Variants in SEL1L3 observed in about 807,000 individuals in gnomAD.
SEL1L3 encodes SEL1L family member 3.
Under a neutral mutation model 142.8 loss-of-function variants are expected in SEL1L3, and 76 were observed. That is an observed-to-expected ratio of 0.53 (90% CI 0.44 to 0.64). The LOEUF is 0.64. SEL1L3 is among the 30% of genes least tolerant of loss of function. The pLI is 0.00. For missense variants in SEL1L3, 1,262 were observed against 1,381.7 expected (o/e 0.91, Z 1.37); for synonymous variants, 504 against 519.6 (o/e 0.97, Z 0.41).
chr4:25,817,061 T>C (rs1714435591), intron 9 of SEL1L3, among the ~76,000 whole-genome samples: 1 of 152,250 alleles, frequency 6.6e-6, no homozygotes, highest in African/African-American at 2.4e-5. Flanking sequence ...GACAGAAGCA[T>C]TGTGTTACTT....
intron 9 of SEL1L3, among the ~76,000 whole-genome samples, chr4:25,810,030 T>C (rs1457731650): frequency 1.3e-5 from 2 of 152,192 alleles, no homozygotes; most frequent in East Asian, 3.9e-4. Context: ...CTCCGGAGCC[T>C]GGGGGCAAGA....
chr4:25,794,495 GTAGA>G (rs1315938213), intron 11 of SEL1L3, among the ~76,000 whole-genome samples: 1 of 152,064 alleles, frequency 6.6e-6, no homozygotes, highest in Admixed American at 6.6e-5. Flanking sequence ...CTCATGCCAG[GTAGA>G]TAGTGGTGAG....
chr4:25,772,032 C>G (rs1400639557), intron 17 of SEL1L3, among the ~76,000 whole-genome samples: 1 of 151,852 alleles, frequency 6.6e-6, no homozygotes, highest in East Asian at 1.9e-4. Flanking sequence ...TTCACTCACA[C>G]AAAAATGAAA....
the SEL1L3 span, among the ~76,000 whole-genome samples, chr4:25,734,478 A>G: frequency 6.6e-6 from 1 of 152,360 alleles, no homozygotes; most frequent in Middle Eastern, 3.4e-3. Context: ...AATGTTAAAC[A>G]ACCTTTATTC....
chr4:25,839,044 G>A (rs1716008272), intron 2 of SEL1L3, among the ~76,000 whole-genome samples: 1 of 152,200 alleles, frequency 6.6e-6, no homozygotes, highest in Non-Finnish European at 1.5e-5. Context: ...ATGACTACAA[G>A]TCTGTAAGCA....
rs1338510753 is a variant in SEL1L3 at position 25,779,013 on chromosome 4, C to T, written c.2585+63G>A. On this transcript the variant is annotated intron_variant, in intron 16 of 23. Coordinates refer to ENST00000399878, the MANE Select transcript of SEL1L3 (RefSeq NM_015187.5). ...AATAAAGAACTCAACTTAAAAAATG[C>T]TCAGGCACAGAGAATATAGGATATG... 5.5e-6 allele frequency: 8 copies of T among 1,455,696 alleles called. No homozygotes were observed. In the Admixed American group the frequency reaches 8.3e-5, roughly 15 times the overall value. 90.2% of individuals were successfully genotyped at this position (1,455,696 alleles called of 1,614,324 possible).
chr4:25,833,667 T>C (rs1028664987), intron 3 of SEL1L3, 98 bp from the exon 4 acceptor site: 8 of 1,101,386 alleles, frequency 7.3e-6, no homozygotes, highest in Non-Finnish European at 1.0e-5. Context: ...TTCTTTCCAA[T>C]GAATGGATGA....
intron 23 of SEL1L3, among the ~76,000 whole-genome samples, chr4:25,750,317 T>C (rs1026686898): frequency 5.9e-5 from 9 of 151,994 alleles, no homozygotes; most frequent in African/African-American, 2.2e-4. Context: ...GTGGAGTAGT[T>C]GTGACCAAGA....
upstream of SEL1L3, chr4:25,863,323 C>T: frequency 2.0e-6 from 1 of 506,880 alleles, no homozygotes. Flanking sequence ...TCTTCCTTCT[C>T]CCCTCGCGCT....
chr4:25,749,418 G>A (rs1436775150), intron 23 of SEL1L3, among the ~76,000 whole-genome samples: 1 of 151,954 alleles, frequency 6.6e-6, no homozygotes, highest in Admixed American at 6.6e-5. Context: ...TGCATAATTA[G>A]CATTGCCACC....
At chr4:25,741,162 T>G in the SEL1L3 span, among the ~76,000 whole-genome samples, 2 of 151,452 alleles carry the variant, frequency 1.3e-5, no homozygotes, top group African/African-American at 4.9e-5. Flanking sequence ...TGGAGTGCAG[T>G]GGTGCGATCT....
Position 25,757,562 on chromosome 4 carries a change from C to T in SEL1L3, c.3231G>A (p.Trp1077Ter). 1 of 1,551,378 alleles carries T rather than the reference C, an allele frequency of 6.4e-7. No individual in the cohort carries two copies. The highest frequency in any genetic ancestry group is 8.7e-7 in the Non-Finnish European group (1 of 1,147,242). Residue 1077 changes from tryptophan (W) to a stop codon, truncating the protein, a stop_gained, in exon 23 of 24, where the codon TGG becomes TGA. Transcript: ENST00000399878. LOFTEE classifies it low-confidence loss of function (END_TRUNC). ...GTFLLSILIA[W>*]TVQYFQSVSA... ...AGACAGACTGGAAATACTGCACAGT[C>T]CAGGCGATCAATATGGATAGCAGAA... is the stretch of plus-strand genomic sequence containing the variant.
chr4:25,830,262 C>A, intron 5 of SEL1L3, 106 bp from the exon 6 acceptor site: 1 of 659,036 alleles, frequency 1.5e-6, no homozygotes. Flanking sequence ...GAGTCTTTTA[C>A]CTGATCAGTT....
the SEL1L3 span, among the ~76,000 whole-genome samples, chr4:25,729,164 A>T: frequency 1.4e-4 from 21 of 152,298 alleles, 1 homozygote; most frequent in Middle Eastern, 0.01. Flanking sequence ...TTTTGACATG[A>T]CAGCTGACTG....
chr4:25,799,609 T>C (rs994942420), intron 11 of SEL1L3, among the ~76,000 whole-genome samples: 1 of 151,980 alleles, frequency 6.6e-6, no homozygotes, highest in Non-Finnish European at 1.5e-5. Context: ...GCAGCAGGGG[T>C]GCACGTGGGG....
Position 25,757,695 on chromosome 4 carries a change from G to T in SEL1L3, c.3179C>A (p.Ser1060Ter). 6.3e-7 allele frequency: 1 copy of T among 1,589,784 alleles called. No homozygotes were observed. The highest frequency in any genetic ancestry group is 2.3e-5 in the East Asian group (1 of 43,632). Residue 1060 changes from serine (S) to a stop codon, truncating the protein, a stop_gained, in exon 22 of 24, where the codon TCA (serine) becomes TAA (stop). Transcript: ENST00000399878. LOFTEE classifies it high-confidence loss of function. ...GTGGGACATGAAACCTACCAGGGCT[G>T]AGTGCAGGATAGCACCCCAGAGAAG... Reference protein sequence around the residue: ...LRLLWGAILHSALIYFLGTFL... With the variant: ...LRLLWGAILH
chr4:25,714,549 T>TTTCTTTCTGCTTTCTTTCTTTCC, the SEL1L3 span, among the ~76,000 whole-genome samples: 1 of 120,826 alleles, frequency 8.3e-6, no homozygotes, highest in East Asian at 2.1e-4. Context: ...TCTTTCTTTC[T>TTTCTTTCTGCTTTCTTTCTTTCC]TTCTTCTTTC....
chr4:25,734,443 CAATT>C, the SEL1L3 span, among the ~76,000 whole-genome samples: 1 of 152,088 alleles, frequency 6.6e-6, no homozygotes, highest in Non-Finnish European at 1.5e-5. Context: ...TCTGTTAATA[CAATT>C]AATTATATCG....
chr4:25,835,770 A>G (rs945267636), intron 2 of SEL1L3, among the ~76,000 whole-genome samples: 1 of 152,268 alleles, frequency 6.6e-6, no homozygotes, highest in African/African-American at 2.4e-5. Context: ...TGTGCTACAT[A>G]AATTTGTTCA....
Sources: gnomAD v4.1 joint callset for allele counts (sites outside exome capture counted in the v4.1 genomes callset) on GRCh38, gnomAD v4.1.1 for gene constraint, MANE v1.5 for transcripts, NCBI Gene and HGNC (gene_info 2026-07-23, HGNC 2026-07-21) for gene names.